Variants in ELMO1 observed in about 807,000 individuals in gnomAD.
The protein encoded by ELMO1 is engulfment and cell motility protein 1.
Under a neutral mutation model 98.9 loss-of-function variants are expected in ELMO1, and 26 were observed. That is an observed-to-expected ratio of 0.26 (90% CI 0.19 to 0.36). The LOEUF (loss-of-function observed/expected upper bound fraction) is 0.36, where lower values mean the gene tolerates loss of function less well. Ranked by LOEUF, ELMO1 falls within the 10% of genes least tolerant of loss-of-function variation. The pLI is 1.00. For missense variants in ELMO1, 627 were observed against 935.2 expected, an observed-to-expected ratio of 0.67 and a Z score of 4.30; for synonymous variants, 346 against 346.0, an observed-to-expected ratio of 1.00 and a Z score of 0.00.
chr7:36,994,740 C>T (rs1277336730), intron 16 of ELMO1, among the ~76,000 whole-genome samples: 1 of 152,258 alleles, frequency 6.6e-6, no homozygotes, highest in Non-Finnish European at 1.5e-5. Flanking sequence ...GGGTCCAGCT[C>T]TGTCTGCAAT....
chr7:37,292,741 G>A (rs1797785689), intron 4 of ELMO1, among the ~76,000 whole-genome samples: 3 of 110,902 alleles, frequency 2.7e-5, no homozygotes, highest in Admixed American at 8.6e-5. Flanking sequence ...GGAGGTGGGG[G>A]GGTCAGCCCC....
At chr7:37,365,266 G>A (rs1327257017) in intron 1 of ELMO1, among the ~76,000 whole-genome samples, 2 of 152,138 alleles carry the variant, frequency 1.3e-5, no homozygotes, top group African/African-American at 4.8e-5. Context: ...AATAAAAGAG[G>A]TTGTTTTGCT....
chr7:36,976,406 G>A (rs1362472923), intron 16 of ELMO1, among the ~76,000 whole-genome samples: 1 of 152,214 alleles, frequency 6.6e-6, no homozygotes, highest in Non-Finnish European at 1.5e-5. Context: ...CCTGTGAACA[G>A]AAGGTGCTAA....
chr7:37,108,470 G>A (rs1427661685), intron 14 of ELMO1, among the ~76,000 whole-genome samples: 1 of 152,166 alleles, frequency 6.6e-6, no homozygotes, highest in Non-Finnish European at 1.5e-5. Flanking sequence ...GTGGGCTTTG[G>A]CCCAGGGAGA....
intron 15 of ELMO1, among the ~76,000 whole-genome samples, chr7:37,079,371 C>T (rs1467895574): frequency 6.6e-6 from 1 of 152,224 alleles, no homozygotes; most frequent in African/African-American, 2.4e-5. Context: ...TAGAAACAGA[C>T]ACTCTTGAAA....
chr7:36,931,131 T>A (rs1786002427), intron 16 of ELMO1, among the ~76,000 whole-genome samples: 1 of 152,240 alleles, frequency 6.6e-6, no homozygotes, highest in African/African-American at 2.4e-5. Context: ...AAAGGATGGA[T>A]ACAAATGTGG....
At chr7:36,887,754 G>A in intron 17 of ELMO1, 82 bp from the exon 18 acceptor site, 1 of 1,250,098 alleles carries the variant, frequency 8.0e-7, no homozygotes, top group East Asian at 2.4e-5. Context: ...CATACGGGCA[G>A]GGGAGAACAA....
chr7:37,087,912 A>G (rs1157227676), intron 15 of ELMO1, among the ~76,000 whole-genome samples: 1 of 152,176 alleles, frequency 6.6e-6, no homozygotes, highest in African/African-American at 2.4e-5. Flanking sequence ...GTTCTGAGGG[A>G]GCTGTAATGC....
At chr7:36,980,290 G>A (rs766722495) in intron 16 of ELMO1, among the ~76,000 whole-genome samples, 4 of 152,234 alleles carry the variant, frequency 2.6e-5, no homozygotes, top group African/African-American at 4.8e-5. Flanking sequence ...TCAGCTGTAA[G>A]ACAATTCTGA....
intron 13 of ELMO1, among the ~76,000 whole-genome samples, chr7:37,152,961 G>C (rs973292666): frequency 2.0e-5 from 3 of 152,136 alleles, no homozygotes; most frequent in African/African-American, 7.2e-5. Context: ...GGTATCTGCC[G>C]GAGCGGACAC....
chr7:36,913,600 G>A (rs540557511), intron 16 of ELMO1, among the ~76,000 whole-genome samples: 4 of 152,240 alleles, frequency 2.6e-5, no homozygotes, highest in South Asian at 2.1e-4. Flanking sequence ...CGCCACATAC[G>A]AGTCAACAAA....
chr7:37,336,262 C>T (rs1323400879), intron 2 of ELMO1, among the ~76,000 whole-genome samples: 5 of 152,168 alleles, frequency 3.3e-5, no homozygotes, highest in Non-Finnish European at 5.9e-5. Context: ...ATGGTCCCCC[C>T]TCTACATGAT....
intron 16 of ELMO1, among the ~76,000 whole-genome samples, chr7:36,899,682 A>ATTTTTTTTTTTTTTTTTTTTT (rs1178774148): frequency 5.6e-4 from 3 of 5,394 alleles, no homozygotes; most frequent in Non-Finnish European, 1.2e-3. Context: ...ATCTTTACTC[A>ATTTTTTTTTTTTTTTTTTTTT]TCTTTTTTTT....
chr7:37,329,843 GA>G (rs750264352), intron 2 of ELMO1, among the ~76,000 whole-genome samples: 2 of 152,162 alleles, frequency 1.3e-5, no homozygotes, highest in Non-Finnish European at 2.9e-5. Context: ...TCACAACGGG[GA>G]CACATACCTA....
intron 15 of ELMO1, among the ~76,000 whole-genome samples, chr7:37,052,018 T>C (rs1469448264): frequency 1.3e-5 from 2 of 152,220 alleles, no homozygotes; most frequent in South Asian, 2.1e-4. Flanking sequence ...TTATGATCCA[T>C]GTTTTTCATT....
chr7:37,274,558 A>AT lies in ELMO1; in HGVS notation c.193-2677dup, dbSNP rs933659519. Among the ~76,000 whole-genome samples, 92 of 150,246 alleles carry AT rather than the reference A, an allele frequency of 6.1e-4. 1 individual carries two copies. The highest frequency in any genetic ancestry group is 1.7e-3 in the African/African-American group (71 of 40,956). On this transcript the variant is annotated intron_variant, in intron 4 of 21. Transcript: ENST00000310758. ...AAGCGGCCAGGAGGGTTTAGAAACA[A>AT]TTTTTTTTTTCCCAGAAGGAGTCTC...
intron 1 of ELMO1, among the ~76,000 whole-genome samples, chr7:37,378,734 T>C (rs1012175747): frequency 1.2e-4 from 18 of 152,188 alleles, no homozygotes; most frequent in African/African-American, 4.3e-4. Context: ...TCAAACAATT[T>C]GAAAATCATT....
At chr7:37,436,048 T>C (rs929677712) in intron 1 of ELMO1, among the ~76,000 whole-genome samples, 16 of 152,234 alleles carry the variant, frequency 1.1e-4, no homozygotes, top group Non-Finnish European at 1.8e-4. Flanking sequence ...TGAGTCTATG[T>C]GAAGTTGGGC....
intron 13 of ELMO1, among the ~76,000 whole-genome samples, chr7:37,139,204 C>T (rs1009753012): frequency 9.1e-4 from 138 of 152,224 alleles, no homozygotes; most frequent in African/African-American, 3.1e-3. Context: ...CAACATAGTA[C>T]TGGAAGTCCT....
Sources: allele counts gnomAD v4.1 joint callset (sites outside exome capture counted in the v4.1 genomes callset), GRCh38; gene constraint gnomAD v4.1.1; transcripts MANE v1.5; gene names NCBI Gene and HGNC (gene_info 2026-07-23, HGNC 2026-07-21).